HTR4: variants seen among roughly 807,000 people sequenced by gnomAD.
The protein encoded by HTR4 is 5-hydroxytryptamine receptor 4, also known as 5-hydroxytryptamine (serotonin) receptor 4, G protein-coupled.
In HTR4, 16 loss-of-function variants were observed where a neutral mutation model predicts 36.8. That is an observed-to-expected ratio of 0.43 (90% CI 0.29 to 0.66). The LOEUF (loss-of-function observed/expected upper bound fraction) is 0.66, where lower values mean the gene tolerates loss of function less well. Ranked by LOEUF, HTR4 falls within the 30% of genes least tolerant of loss-of-function variation. The probability of loss-of-function intolerance (pLI) is 0.13; values close to 1 mark genes in which losing one functional copy is unlikely to be tolerated. For synonymous variants in HTR4, 189 were observed against 185.1 expected (o/e 1.02, Z -0.17); for missense variants, 438 against 490.9 (o/e 0.89, Z 1.02).
chr5:148,513,569 T>C (rs1757594656), intron 5 of HTR4, among the ~76,000 whole-genome samples: 1 of 152,196 alleles, frequency 6.6e-6, no homozygotes, highest in African/African-American at 2.4e-5. Context: ...ATAAAAGTCT[T>C]TGAATTGTGG....
chr5:148,580,134 CAA>C (rs1761077349), intron 2 of HTR4, among the ~76,000 whole-genome samples: 2 of 151,970 alleles, frequency 1.3e-5, no homozygotes, highest in Non-Finnish European at 2.9e-5. Context: ...AAAATGGGAA[CAA>C]TGGTGCTCAC....
rs1759513402 is a variant in HTR4 at position 148,548,741 on chromosome 5, G to A, written c.280C>T (p.Leu94Phe). Residue 94 changes from leucine to phenylalanine, a missense_variant, in exon 4 of 7, where the codon CTT (leucine) becomes TTT (phenylalanine). Physicochemically the swap from Leu to Phe is conservative, Grantham distance 22 (BLOSUM62 0). Coordinates refer to ENST00000377888, the MANE Select transcript of HTR4 (RefSeq NM_000870.7). ...AGGACGTCCAGAGATGTCCGAACAAGACAAAACACCTCCCCATAAATCCAG... is the reference window on the plus strand; with the variant it reads ...AGGACGTCCAGAGATGTCCGAACAAAACAAAACACCTCCCCATAAATCCAG... ...DIWIYGEVFCLVRTSLDVLLT... is the reference protein window; with the variant it reads ...DIWIYGEVFCFVRTSLDVLLT... 6.2e-7 allele frequency: 1 copy of A among 1,613,356 alleles called. No homozygotes were observed. The highest frequency in any genetic ancestry group is 1.3e-5 in the African/African-American group (1 of 74,874).
chr5:148,521,357 C>T (rs1049340769), intron 5 of HTR4, among the ~76,000 whole-genome samples: 1 of 152,142 alleles, frequency 6.6e-6, no homozygotes, highest in African/African-American at 2.4e-5. Flanking sequence ...ACATTTGAAT[C>T]AGTAGACTGC....
intron 6 of HTR4, among the ~76,000 whole-genome samples, chr5:148,485,374 G>A (rs763294269): frequency 2.0e-5 from 3 of 152,156 alleles, no homozygotes; most frequent in Admixed American, 6.6e-5. Flanking sequence ...GCTAGTAACT[G>A]TTCTACTGTA....
intron 2 of HTR4, among the ~76,000 whole-genome samples, chr5:148,600,736 A>G (rs938686838): frequency 6.6e-6 from 1 of 152,008 alleles, no homozygotes. Flanking sequence ...GGAGAAATGG[A>G]AAAGATCTTT....
At chr5:148,506,967 G>A (rs1218079745) in intron 6 of HTR4, among the ~76,000 whole-genome samples, 3 of 152,264 alleles carry the variant, frequency 2.0e-5, no homozygotes, top group Non-Finnish European at 4.4e-5. Flanking sequence ...ACAGTGTGGC[G>A]ATTCCTCAAG....
At chr5:148,557,322 T>C (rs1759993288) in intron 2 of HTR4, among the ~76,000 whole-genome samples, 1 of 151,986 alleles carries the variant, frequency 6.6e-6, no homozygotes. Flanking sequence ...ATAACAAAAA[T>C]AGATTCCATG....
chr5:148,594,905 G>A (rs1210732060), intron 2 of HTR4, among the ~76,000 whole-genome samples: 1 of 152,114 alleles, frequency 6.6e-6, no homozygotes, highest in Non-Finnish European at 1.5e-5. Context: ...ATAGATTAAT[G>A]TTTTAATGTA....
intron 6 of HTR4, among the ~76,000 whole-genome samples, chr5:148,504,012 CAA>C (rs1283292120): frequency 6.6e-6 from 1 of 152,156 alleles, no homozygotes. Flanking sequence ...TAGAGACCTA[CAA>C]AGAGACTTAG....
intron 2 of HTR4, chr5:148,629,526 A>T (rs1226022109): frequency 6.6e-6 from 1 of 152,180 alleles, no homozygotes; most frequent in Non-Finnish European, 1.5e-5. Context: ...CTGTAATTCA[A>T]AGTATGCCTC....
At chr5:148,506,689 C>T (rs528667256) in intron 6 of HTR4, among the ~76,000 whole-genome samples, 193 of 152,250 alleles carry the variant, frequency 1.3e-3, no homozygotes, top group African/African-American at 4.5e-3. Context: ...AAAAAACAAA[C>T]AACCCCATCA....
intron 1 of HTR4, among the ~76,000 whole-genome samples, chr5:148,643,387 C>A (rs182743448): frequency 2.6e-4 from 40 of 152,114 alleles, no homozygotes; most frequent in African/African-American, 9.6e-4. Flanking sequence ...TCATGTTGTG[C>A]TGAATGGGAT....
intron 4 of HTR4, among the ~76,000 whole-genome samples, chr5:148,538,867 G>A (rs1758964315): frequency 6.6e-6 from 1 of 151,948 alleles, no homozygotes; most frequent in Admixed American, 6.6e-5. Flanking sequence ...AGAAGTAGAA[G>A]AAAAACTATT....
chr5:148,459,687 G>T (rs1280683223), intron 5 of HTR4, among the ~76,000 whole-genome samples: 1 of 152,060 alleles, frequency 6.6e-6, no homozygotes, highest in Non-Finnish European at 1.5e-5. Context: ...CTTTACCAAA[G>T]ACATCATGTG....
At chr5:148,475,265 A>G (rs925814040), downstream of HTR4, among the ~76,000 whole-genome samples, 3 of 152,220 alleles carry the variant, frequency 2.0e-5, no homozygotes, top group African/African-American at 7.2e-5. Context: ...GAAATTAATT[A>G]AGGTGTCTGA....
intron 6 of HTR4, among the ~76,000 whole-genome samples, chr5:148,504,754 A>G (rs550131913): frequency 6.6e-6 from 1 of 152,336 alleles, no homozygotes; most frequent in Non-Finnish European, 1.5e-5. Context: ...TAGCAAGACT[A>G]ATAAAGAAGA....
intron 4 of HTR4, among the ~76,000 whole-genome samples, chr5:148,525,131 G>T (rs931325520): frequency 6.6e-6 from 1 of 152,122 alleles, no homozygotes; most frequent in African/African-American, 2.4e-5. Context: ...ATTCTGACAT[G>T]GCTGCAAAAT....
chr5:148,647,850 G>GAAACA (rs1269994596), intron 1 of HTR4, among the ~76,000 whole-genome samples: 1 of 152,132 alleles, frequency 6.6e-6, no homozygotes, highest in Non-Finnish European at 1.5e-5. Flanking sequence ...CTCCATCTCA[G>GAAACA]AAACAAAACA....
intron 5 of HTR4, chr5:148,465,715 T>A (rs1755409468): frequency 9.4e-6 from 11 of 1,174,362 alleles, no homozygotes; most frequent in Non-Finnish European, 1.3e-5. Context: ...GGCTCTGCAG[T>A]TCTGTGCCAA....
Sources: allele counts gnomAD v4.1 joint callset (sites outside exome capture counted in the v4.1 genomes callset), GRCh38; gene constraint gnomAD v4.1.1; transcripts MANE v1.5; gene names NCBI Gene and HGNC (gene_info 2026-07-23, HGNC 2026-07-21).